The following CAPRIN2 variants were observed in gnomAD, a reference collection of about 807,000 sequenced individuals.
CAPRIN2 encodes the protein caprin-2.
In CAPRIN2, 66 loss-of-function variants were observed where a neutral mutation model predicts 130.4. The ratio of observed to expected loss-of-function variants is 0.51; its 90% CI spans 0.42 to 0.62. The LOEUF (loss-of-function observed/expected upper bound fraction) is 0.62, where lower values mean the gene tolerates loss of function less well. Among genes scored for constraint, CAPRIN2 ranks in the 20% least tolerant of loss-of-function variants. The probability of loss-of-function intolerance (pLI) is 0.00; values close to 1 mark genes in which losing one functional copy is unlikely to be tolerated. For missense variants in CAPRIN2, 1,185 were observed against 1,246.6 expected (o/e 0.95, Z 0.74); for synonymous variants, 471 against 444.1 (o/e 1.06, Z -0.76).
chr12:30,721,505 A>G (rs2059393142), intron 11 of CAPRIN2, among the ~76,000 whole-genome samples: 1 of 152,352 alleles, frequency 6.6e-6, no homozygotes, highest in Admixed American at 6.5e-5. Flanking sequence ...AAAAATTGGG[A>G]GAAAGCACAT....
At chr12:30,739,233 A>G (rs1442008340) in intron 3 of CAPRIN2, among the ~76,000 whole-genome samples, 1 of 152,270 alleles carries the variant, frequency 6.6e-6, no homozygotes, top group African/African-American at 2.4e-5. Context: ...ATAAAAAAGA[A>G]CAAGATCATG....
intron 3 of CAPRIN2, among the ~76,000 whole-genome samples, chr12:30,739,637 C>G (rs1179554927): frequency 6.6e-6 from 1 of 151,972 alleles, no homozygotes; most frequent in Non-Finnish European, 1.5e-5. Context: ...ATCGCGTGAA[C>G]CCGGGAGGCG....
intron 8 of CAPRIN2, among the ~76,000 whole-genome samples, chr12:30,726,465 T>G (rs1206318362): frequency 6.6e-6 from 1 of 152,132 alleles, no homozygotes; most frequent in African/African-American, 2.4e-5. Flanking sequence ...CCACATTAAA[T>G]GTACATCCCA....
chr12:30,724,281 A>G (rs574893862), intron 10 of CAPRIN2, 89 bp downstream of exon 11: 2 of 814,944 alleles, frequency 2.5e-6, no homozygotes, highest in African/African-American at 3.4e-5. Context: ...ATATTAGGAC[A>G]TCTAAAATAA....
intron 2 of CAPRIN2, among the ~76,000 whole-genome samples, chr12:30,747,856 AG>A (rs1246133836): frequency 6.6e-6 from 1 of 152,204 alleles, no homozygotes; most frequent in Non-Finnish European, 1.5e-5. Flanking sequence ...CAACATGAAC[AG>A]GAGTTTGGGA....
chr12:30,721,407 A>T (rs891263274), intron 11 of CAPRIN2, among the ~76,000 whole-genome samples: 2 of 152,250 alleles, frequency 1.3e-5, no homozygotes, highest in African/African-American at 4.8e-5. Flanking sequence ...AGGCAGGCTG[A>T]AATATAAATA....
intron 3 of CAPRIN2, among the ~76,000 whole-genome samples, chr12:30,736,666 G>C (rs1360656740): frequency 6.6e-6 from 1 of 152,224 alleles, no homozygotes; most frequent in Non-Finnish European, 1.5e-5. Context: ...AAATAGACTG[G>C]TTGAAGGTTG....
chr12:30,733,541 AAC>A (rs1198134249), intron 5 of CAPRIN2, 86 bp downstream of exon 6: 14 of 846,660 alleles, frequency 1.7e-5, no homozygotes, highest in African/African-American at 5.0e-5. Context: ...CTGATGGACT[AAC>A]ACAGTTTAGA....
rs933781780 is a variant in CAPRIN2 at position 30,733,599 on chromosome 12, C to G, written c.892+30G>C. Reference sequence around the variant, plus strand: ...TTCTAGACATAAAGTTTAGTATTTACTGCATAAGTCCAGAGTAGAGAAAAC... The same window carrying G: ...TTCTAGACATAAAGTTTAGTATTTAGTGCATAAGTCCAGAGTAGAGAAAAC... On this transcript the variant is annotated intron_variant, in intron 5 of 16. Coordinates refer to ENST00000298892, the Ensembl canonical transcript of CAPRIN2. The G allele has an allele frequency of 4.8e-6, 7 of 1,452,182 alleles. No homozygotes were observed. The African/African-American group carries it at 9.8e-5, about 20-fold the overall frequency. 90.0% of individuals were successfully genotyped at this position (1,452,182 alleles called of 1,614,324 possible). A position where few individuals can be genotyped will look rare whatever the true frequency, so the allele number is the denominator to read the frequency against.
chr12:30,734,870 ACACACACACACACACACT>A (rs1034562986), intron 4 of CAPRIN2, 80 bp downstream of exon 5: 5 of 760,588 alleles, frequency 6.6e-6, no homozygotes, highest in South Asian at 1.6e-5. Context: ...ACACACACAC[ACACACACACACACACACT>A]CTCTCTCTCA....
exon 6 of CAPRIN2, chr12:30,731,353 G>T: frequency 6.2e-7 from 1 of 1,612,090 alleles, no homozygotes; most frequent in South Asian, 1.1e-5. Context: ...CTGACTCTTT[G>T]ACAGATTCAG....
chr12:30,719,173 G>C, intron 12 of CAPRIN2: 8 of 1,614,052 alleles, frequency 5.0e-6, no homozygotes, highest in Non-Finnish European at 6.8e-6. Flanking sequence ...CTTTGCCATG[G>C]GAGGATTTGG....
In CAPRIN2 at chr12:30,741,033, C is replaced by T. The variant is rs376583482; in HGVS notation, c.557G>A (p.Gly186Glu). 18 of 1,607,594 alleles carry T rather than the reference C, an allele frequency of 1.1e-5. No homozygotes were observed. Among genetic ancestry groups the T allele is most frequent in the East Asian group, 2.2e-5 (1 of 44,576 alleles). ...AAACATACTCACATCTAGGCTCAAC[C>T]CAGAAAAGGTTTTTTGAAGCTCCTT... The change falls in exon 3 of 17, where the codon GGG (glycine) becomes GAG (glutamate). Residue 186 changes from glycine (G) to glutamate (E), a missense_variant. Around this residue, in one of 2 missense-constraint regions of CAPRIN2, gnomAD observed 1,104 missense variants for 1,104.3 expected, o/e 1.00. Coordinates refer to ENST00000298892, the Ensembl canonical transcript of CAPRIN2.
rs771152062 is a variant in CAPRIN2 at position 30,724,338 on chromosome 12, G to A, written c.1987+32C>T. Reference sequence around the variant, plus strand: ...CAACAAATAGCTGTTAGCTCAAGACGTTTGCTCCAAGTCTTTAGAATGATT... The same window carrying A: ...CAACAAATAGCTGTTAGCTCAAGACATTTGCTCCAAGTCTTTAGAATGATT... On this transcript the variant is annotated intron_variant, in intron 10 of 16. Coordinates refer to ENST00000298892, the Ensembl canonical transcript of CAPRIN2. The A allele has an allele frequency of 1.7e-5, 23 of 1,342,758 alleles. No individual in the cohort carries two copies. In the East Asian group the frequency reaches 3.9e-4, roughly 23 times the overall value. 83.2% of individuals were successfully genotyped at this position (1,342,758 alleles called of 1,614,324 possible). A position where few individuals can be genotyped will look rare whatever the true frequency, so the allele number is the denominator to read the frequency against.
chr12:30,749,233 G>A (rs998470119), intron 2 of CAPRIN2, among the ~76,000 whole-genome samples: 2 of 152,122 alleles, frequency 1.3e-5, no homozygotes, highest in Admixed American at 6.5e-5. Context: ...AGCTAGCGAG[G>A]GAAAGAAGAG....
At position 30,753,391 on chromosome 12, in the gene CAPRIN2, C is replaced by G. The variant is rs370003618; in HGVS notation, c.373G>C (p.Gly125Arg). 72 of 1,613,534 alleles carry G rather than the reference C, an allele frequency of 4.5e-5. No individual in the cohort carries two copies. Among genetic ancestry groups the G allele is most frequent in the Non-Finnish European group, 5.6e-5 (66 of 1,180,012 alleles). ...ATTTTGTGTTTAAGGCATATGAGTC[C>G]ATTTTCAATATAGGTCTCATACGCT... Residue 125 changes from glycine (G) to arginine (R), a missense_variant, in exon 1 of 17, where the codon GGA (glycine) becomes CGA (arginine). Physicochemically the swap from Gly to Arg is moderately radical, Grantham distance 125. Coordinates refer to ENST00000298892, the Ensembl canonical transcript of CAPRIN2.
chr12:30,725,464 C>T (rs2060621751), intron 9 of CAPRIN2, among the ~76,000 whole-genome samples: 1 of 152,222 alleles, frequency 6.6e-6, no homozygotes, highest in African/African-American at 2.4e-5. Flanking sequence ...CCTCAGTAAT[C>T]TCATACCATT....
rs1281587851 is a variant in CAPRIN2 at position 30,753,480 on chromosome 12, C to T, written c.284G>A (p.Gly95Glu). 3.7e-6 allele frequency: 6 copies of T among 1,614,208 alleles called. No homozygotes were observed. The East Asian group carries it at 1.1e-4, about 30-fold the overall frequency. The change falls in exon 1 of 17, where the codon GGG becomes GAG. Residue 95 changes from glycine (G) to glutamate (E), a missense_variant. This residue lies in a region of CAPRIN2 where 1,104 missense variants were observed against 1,104.3 expected (regional missense o/e 1.00). Coordinates refer to ENST00000298892, the Ensembl canonical transcript of CAPRIN2. The stretch of plus-strand genomic sequence containing the variant: ...GGGGCTCAAGGCCCGCTGGCTTTCC[C>T]CATGCTGACTGTGGTTCACTTGGGG...
At chr12:30,736,946 G>A (rs925871491) in intron 3 of CAPRIN2, among the ~76,000 whole-genome samples, 2 of 152,186 alleles carry the variant, frequency 1.3e-5, no homozygotes, top group Non-Finnish European at 1.5e-5. Flanking sequence ...TCCCAAGGTA[G>A]GACTGGGTGG....
Sources: gnomAD v4.1 joint callset for allele counts (sites outside exome capture counted in the v4.1 genomes callset) on GRCh38, gnomAD v4.1.1 for gene constraint, gnomAD v4.1.1 regional missense constraint, MANE v1.5 for transcripts, NCBI Gene and HGNC (gene_info 2026-07-23, HGNC 2026-07-21) for gene names.